SLC25A21: variants seen among roughly 807,000 people sequenced by gnomAD.
The protein encoded by SLC25A21 is mitochondrial 2-oxodicarboxylate carrier.
SLC25A21 carries 47 observed loss-of-function variants against 43.8 expected under a neutral mutation model. The ratio of observed to expected loss-of-function variants is 1.07; its 90% confidence interval spans 0.85 to 1.37. The LOEUF is 1.37. Among genes scored for constraint, SLC25A21 ranks in the 40% most tolerant of loss-of-function variants. The pLI is 0.00. For synonymous variants in SLC25A21, 131 were observed against 121.3 expected, an observed-to-expected ratio of 1.08 and a Z score of -0.52; for missense variants, 352 against 350.2, an observed-to-expected ratio of 1.00 and a Z score of -0.04.
At chr14:36,771,130 T>C (rs1594572798) in intron 3 of SLC25A21, among the ~76,000 whole-genome samples, 1 of 152,364 alleles carries the variant, frequency 6.6e-6, no homozygotes, top group East Asian at 1.9e-4. Context: ...TCAACTTTTG[T>C]TATCTGACAG....
intron 1 of SLC25A21, among the ~76,000 whole-genome samples, chr14:37,119,165 G>A (rs1175626320): frequency 4.6e-5 from 7 of 152,142 alleles, no homozygotes; most frequent in Non-Finnish European, 8.8e-5. Flanking sequence ...ACCCTAGATG[G>A]TCGAAAAAGG....
Position 36,874,972 on chromosome 14 carries a change from C to T in SLC25A21, c.103G>A (p.Asp35Asn), listed in dbSNP as rs187279667. The T allele has an allele frequency of 6.2e-7, 1 of 1,611,236 alleles. No individual in the cohort carries two copies. The highest frequency in any genetic ancestry group is 1.7e-5 in the Admixed American group (1 of 59,662). The change falls in exon 2 of 10, where the codon GAT (aspartate) becomes AAT (asparagine). Residue 35 changes from aspartate to asparagine, a missense_variant. Transcript: ENST00000331299. ...GAACCTTACCTGGTTTTCACCACAT[C>T]TAGGGGGTGCATCAGGCAAATTTCT... ...LVEICLMHPL[D>N]VVKTRFQIQR...
chr14:37,106,716 C>G (rs1233068419), intron 1 of SLC25A21, among the ~76,000 whole-genome samples: 1 of 149,710 alleles, frequency 6.7e-6, no homozygotes, highest in Non-Finnish European at 1.5e-5. Flanking sequence ...GATCTTTGTA[C>G]CTACTCCCTG....
chr14:37,090,922 T>C lies in SLC25A21; in HGVS notation c.70+81359A>G, dbSNP rs78394493. 1.5e-3 allele frequency among the ~76,000 whole-genome samples: 232 copies of C among 152,282 alleles called. 1 individual carries two copies. Among genetic ancestry groups the C allele is most frequent in the African/African-American group, 5.2e-3 (215 of 41,554 alleles). On this transcript the variant is annotated intron_variant, in intron 1 of 9. Coordinates refer to ENST00000331299, the MANE Select transcript of SLC25A21 (RefSeq NM_030631.4). ...CTGAACCCACTGCTCCTAGGGAAAATAGGAGTTAAGTTCCTGTGTGTCTCT... is the reference window on the plus strand; with the variant it reads ...CTGAACCCACTGCTCCTAGGGAAAACAGGAGTTAAGTTCCTGTGTGTCTCT...
chr14:36,715,034 T>C (rs904362269), intron 6 of SLC25A21, among the ~76,000 whole-genome samples: 3 of 152,216 alleles, frequency 2.0e-5, no homozygotes, highest in African/African-American at 7.2e-5. Flanking sequence ...TGCTGATAAA[T>C]GGCTTAAGCA....
chr14:37,039,822 G>C (rs1385274770), intron 1 of SLC25A21, among the ~76,000 whole-genome samples: 1 of 152,160 alleles, frequency 6.6e-6, no homozygotes, highest in Non-Finnish European at 1.5e-5. Flanking sequence ...TAATCACGGA[G>C]GTTTGGGAGC....
At chr14:37,113,002 T>C (rs1299996198) in intron 1 of SLC25A21, among the ~76,000 whole-genome samples, 1 of 152,150 alleles carries the variant, frequency 6.6e-6, no homozygotes, top group Non-Finnish European at 1.5e-5. Context: ...ACGACACTCA[T>C]TAAGTGCCTC....
intron 1 of SLC25A21, among the ~76,000 whole-genome samples, chr14:37,063,102 A>C (rs1961984675): frequency 1.3e-5 from 2 of 152,142 alleles, no homozygotes; most frequent in Non-Finnish European, 2.9e-5. Context: ...CATGAGAACT[A>C]ACTCACTATC....
At chr14:37,041,299 A>C (rs1873943131) in intron 1 of SLC25A21, among the ~76,000 whole-genome samples, 1 of 152,188 alleles carries the variant, frequency 6.6e-6, no homozygotes, top group East Asian at 1.9e-4. Flanking sequence ...ATTTGAACTT[A>C]AAAATATAAT....
At chr14:37,070,980 G>C (rs1309500555) in intron 1 of SLC25A21, among the ~76,000 whole-genome samples, 2 of 152,242 alleles carry the variant, frequency 1.3e-5, no homozygotes, top group East Asian at 3.9e-4. Context: ...CTGAAATACC[G>C]AGACTTTCTT....
intron 2 of SLC25A21, among the ~76,000 whole-genome samples, chr14:36,871,408 G>T (rs712380): frequency 0.33 from 50,654 of 152,020 alleles, 9,110 homozygotes; most frequent in East Asian, 0.43. Context: ...TTGTCTATAA[G>T]TTACCCAGTT....
intron 2 of SLC25A21, among the ~76,000 whole-genome samples, chr14:36,869,708 C>A (rs543695849): frequency 1.3e-5 from 2 of 152,090 alleles, no homozygotes; most frequent in Non-Finnish European, 2.9e-5. Flanking sequence ...GGAGAGTGGC[C>A]CCATACCAGA....
chr14:36,813,050 T>G (rs1213278165), intron 3 of SLC25A21, among the ~76,000 whole-genome samples: 1 of 152,200 alleles, frequency 6.6e-6, no homozygotes, highest in Non-Finnish European at 1.5e-5. Context: ...ATAATATTCT[T>G]TGAAAAATTA....
intron 1 of SLC25A21, among the ~76,000 whole-genome samples, chr14:36,877,856 A>C (rs912627050): frequency 6.6e-6 from 1 of 152,076 alleles, no homozygotes; most frequent in East Asian, 1.9e-4. Context: ...ATGTTTAGTC[A>C]CTTCCACTTT....
chr14:36,785,173 CCTGA>C (rs1297070307), intron 3 of SLC25A21, among the ~76,000 whole-genome samples: 6 of 152,266 alleles, frequency 3.9e-5, no homozygotes, highest in African/African-American at 7.2e-5. Context: ...CCATGTGAGG[CCTGA>C]CTGTTTCTCT....
At chr14:37,062,525 T>C (rs137923132) in intron 1 of SLC25A21, among the ~76,000 whole-genome samples, 202 of 152,232 alleles carry the variant, frequency 1.3e-3, no homozygotes, top group African/African-American at 4.6e-3. Flanking sequence ...TTTTATCACA[T>C]GAAGAGCAGT....
intron 1 of SLC25A21, among the ~76,000 whole-genome samples, chr14:37,169,715 T>A (rs934425157): frequency 2.6e-5 from 4 of 152,058 alleles, no homozygotes; most frequent in Non-Finnish European, 5.9e-5. Flanking sequence ...TTGATTTCTA[T>A]CTGGCCCTTG....
intron 1 of SLC25A21, among the ~76,000 whole-genome samples, chr14:37,037,901 G>C: frequency 6.6e-6 from 1 of 152,114 alleles, no homozygotes; most frequent in Non-Finnish European, 1.5e-5. Flanking sequence ...AGGAGAAATC[G>C]CTTGGGAAAA....
chr14:36,975,839 GGAA>G (rs1376233284), intron 1 of SLC25A21, among the ~76,000 whole-genome samples: 3 of 152,190 alleles, frequency 2.0e-5, no homozygotes, highest in Non-Finnish European at 4.4e-5. Flanking sequence ...AGTCACAGGA[GGAA>G]GAATCAAAGT....
Sources: allele counts gnomAD v4.1 joint callset (sites outside exome capture counted in the v4.1 genomes callset), GRCh38; gene constraint gnomAD v4.1.1; transcripts MANE v1.5; gene names NCBI Gene and HGNC (gene_info 2026-07-23, HGNC 2026-07-21).